Variants in GFRA2 observed in about 807,000 individuals in gnomAD.
The protein encoded by GFRA2 is GDNF family receptor alpha-2.
A neutral mutation model predicts 48.3 loss-of-function variants in GFRA2; 17 were observed. The observed-to-expected ratio is 0.35, with a 90% CI of 0.24 to 0.53. The LOEUF is 0.53. GFRA2 is among the 20% of genes least tolerant of loss of function. The pLI, the probability that GFRA2 is intolerant of heterozygous loss-of-function variation, is 0.93. For missense variants in GFRA2, 660 were observed against 637.3 expected (o/e 1.04, Z -0.38); for synonymous variants, 305 against 257.2 (o/e 1.19, Z -1.78).
intron 3 of GFRA2, among the ~76,000 whole-genome samples, chr8:21,763,424 T>A (rs1042870974): frequency 3.3e-5 from 5 of 151,944 alleles, no homozygotes; most frequent in Admixed American, 2.6e-4. Flanking sequence ...GCCATTCCCC[T>A]CTCTCAGGAA....
intron 3 of GFRA2, among the ~76,000 whole-genome samples, chr8:21,755,473 T>C (rs1197709085): frequency 6.6e-6 from 1 of 152,186 alleles, no homozygotes; most frequent in East Asian, 1.9e-4. Flanking sequence ...AATCCATTAA[T>C]ATATCTTTAA....
At chr8:21,803,227 T>C (rs918879967) in intron 2 of GFRA2, among the ~76,000 whole-genome samples, 14 of 152,262 alleles carry the variant, frequency 9.2e-5, no homozygotes, top group Non-Finnish European at 1.6e-4. Flanking sequence ...TCTTCAGTCA[T>C]TGAGGCAAGA....
intron 2 of GFRA2, among the ~76,000 whole-genome samples, chr8:21,794,117 G>T (rs1246631105): frequency 6.6e-6 from 1 of 151,602 alleles, no homozygotes; most frequent in East Asian, 1.9e-4. Flanking sequence ...GCCTGGCAAA[G>T]TGCTGGGATT....
At chr8:21,782,318 G>C (rs1807033523) in intron 2 of GFRA2, among the ~76,000 whole-genome samples, 1 of 115,622 alleles carries the variant, frequency 8.6e-6, no homozygotes, top group Non-Finnish European at 1.7e-5. Flanking sequence ...TCCAGCGCCT[G>C]TTCTCCTCCT....
intron 3 of GFRA2, among the ~76,000 whole-genome samples, chr8:21,753,164 G>C (rs12674958): frequency 6.6e-6 from 1 of 152,204 alleles, no homozygotes; most frequent in East Asian, 1.9e-4. Flanking sequence ...TATGTGTGCT[G>C]TCTGATTTGC....
At chr8:21,810,520 G>A (rs930066176) in intron 1 of GFRA2, among the ~76,000 whole-genome samples, 3 of 152,206 alleles carry the variant, frequency 2.0e-5, no homozygotes, top group Admixed American at 2.0e-4. Flanking sequence ...CTGGGCCACA[G>A]GGAAGCAGAG....
At position 21,788,823 on chromosome 8, in the gene GFRA2, C is replaced by A; in HGVS notation, c.-664G>T. 1.0e-6 allele frequency: 1 copy of A among 983,344 alleles called. No individual in the cohort carries two copies. Among genetic ancestry groups the A allele is most frequent in the Non-Finnish European group, 1.2e-6 (1 of 828,048 alleles). The allele number at this position is 983,344 out of a possible 1,614,324, so 60.9% of individuals were successfully genotyped here. A position where few individuals can be genotyped will look rare whatever the true frequency, so the allele number is the denominator to read the frequency against. The stretch of plus-strand genomic sequence containing the variant: ...GTGCGTGTGTCTTTCTCTCTCCTCT[C>A]TCTCTCTCTCCTCTCCCTCGCTCGC... On this transcript the variant is annotated 5_prime_UTR_variant, in exon 1 of 9. Coordinates refer to ENST00000524240, the MANE Select transcript of GFRA2 (RefSeq NM_001495.5).
chr8:21,746,591 T>C (rs1048637662), intron 4 of GFRA2, among the ~76,000 whole-genome samples: 1 of 152,048 alleles, frequency 6.6e-6, no homozygotes. Context: ...CCCTGGAGTC[T>C]CCATTGTTTA....
intron 3 of GFRA2, among the ~76,000 whole-genome samples, chr8:21,772,984 A>G (rs1420467622): frequency 2.6e-5 from 4 of 152,214 alleles, no homozygotes; most frequent in African/African-American, 9.7e-5. Context: ...AGCTTCACAC[A>G]GAGTAGAATG....
At chr8:21,747,837 C>T (rs1255320132) in intron 4 of GFRA2, among the ~76,000 whole-genome samples, 1 of 151,990 alleles carries the variant, frequency 6.6e-6, no homozygotes, top group Non-Finnish European at 1.5e-5. Context: ...TGCACACAGG[C>T]ATACACATAC....
intron 4 of GFRA2, among the ~76,000 whole-genome samples, chr8:21,744,719 G>T (rs1804917577): frequency 6.6e-6 from 1 of 152,194 alleles, no homozygotes; most frequent in South Asian, 2.1e-4. Flanking sequence ...TGCATTCCAA[G>T]AAGTTCTCCA....
chr8:21,782,868 G>A lies in GFRA2; in HGVS notation c.72C>T (p.Ser24=), dbSNP rs1425422246. The change falls in exon 2 of 9, where the codon TCC becomes TCT. Residue 24 remains serine (S), a synonymous_variant. Coordinates refer to ENST00000524240, the MANE Select transcript of GFRA2 (RefSeq NM_001495.5). ...CGTGGAGCTCGGGGCCCTGCAGGGA[G>A]GAAGGGCTGGCCAAAGAGCGGAGGG... ...DETLRSLASP[S]SLQGPELHGW... 4.5e-6 allele frequency: 7 copies of A among 1,565,966 alleles called. No individual in the cohort carries two copies. The highest frequency in any genetic ancestry group is 6.0e-6 in the Non-Finnish European group (7 of 1,163,270).
chr8:21,706,242 G>C (rs149896137), intron 4 of GFRA2: 1 of 641,274 alleles, frequency 1.6e-6, no homozygotes, highest in Non-Finnish European at 2.8e-6. Flanking sequence ...GAGACTTCCC[G>C]GAGAGACAGG....
intron 4 of GFRA2, among the ~76,000 whole-genome samples, chr8:21,737,623 A>G (rs1380326708): frequency 6.6e-6 from 1 of 152,074 alleles, no homozygotes; most frequent in Non-Finnish European, 1.5e-5. Flanking sequence ...AGCCCTGAGC[A>G]GTACAGTCCC....
chr8:21,707,548 A>T (rs1357109303), intron 4 of GFRA2, among the ~76,000 whole-genome samples: 4 of 152,138 alleles, frequency 2.6e-5, no homozygotes, highest in Non-Finnish European at 5.9e-5. Flanking sequence ...TTCTGAGAGG[A>T]GGAAACCCTC....
chr8:21,722,789 C>T (rs889672870), intron 4 of GFRA2, among the ~76,000 whole-genome samples: 2 of 152,208 alleles, frequency 1.3e-5, no homozygotes, highest in African/African-American at 2.4e-5. Flanking sequence ...CAGGTGACAA[C>T]GTTAGATGCC....
chr8:21,705,142 G>A lies in GFRA2; in HGVS notation c.905-17C>T. 2 of 1,603,218 alleles carry A rather than the reference G, an allele frequency of 1.2e-6. No individual in the cohort carries two copies. Among genetic ancestry groups the A allele is most frequent in the Non-Finnish European group, 1.7e-6 (2 of 1,175,456 alleles). Reference sequence around the variant, plus strand: ...TGTCAAACCCTGGGCAGGAAGAAAGGTGGGGGAGAGGAGAGAGGTACGGTG... The same window carrying A: ...TGTCAAACCCTGGGCAGGAAGAAAGATGGGGGAGAGGAGAGAGGTACGGTG... On this transcript the variant is annotated splice_polypyrimidine_tract_variant and intron_variant, in intron 5 of 8. Coordinates refer to ENST00000524240, the MANE Select transcript of GFRA2 (RefSeq NM_001495.5).
intron 2 of GFRA2, among the ~76,000 whole-genome samples, chr8:21,794,024 T>G (rs1320410297): frequency 2.0e-5 from 3 of 151,826 alleles, no homozygotes; most frequent in Non-Finnish European, 4.4e-5. Flanking sequence ...CCTGGCTTAT[T>G]TATTTACTTA....
intron 4 of GFRA2, among the ~76,000 whole-genome samples, chr8:21,729,604 C>T (rs1804078163): frequency 6.6e-6 from 1 of 152,196 alleles, no homozygotes; most frequent in Non-Finnish European, 1.5e-5. Flanking sequence ...ACAGAAGGAG[C>T]ACCTACAATG....
Sources: gnomAD v4.1 joint callset for allele counts (sites outside exome capture counted in the v4.1 genomes callset) on GRCh38, gnomAD v4.1.1 for gene constraint, MANE v1.5 for transcripts, NCBI Gene and HGNC (gene_info 2026-07-23, HGNC 2026-07-21) for gene names.